EPHX2: variants seen among roughly 807,000 people sequenced by gnomAD.
The protein encoded by EPHX2 is bifunctional epoxide hydrolase 2.
EPHX2 carries 74 observed loss-of-function variants against 78.7 expected under a neutral mutation model. The observed-to-expected ratio is 0.94, with a 90% CI of 0.78 to 1.14. EPHX2 has a LOEUF of 1.14. EPHX2 is among the 50% of genes most tolerant of loss of function. The probability of loss-of-function intolerance (pLI) is 0.00; values close to 1 mark genes in which losing one functional copy is unlikely to be tolerated. For missense variants in EPHX2, 715 were observed against 702.5 expected (o/e 1.02, Z -0.20); for synonymous variants, 251 against 255.2 (o/e 0.98, Z 0.16).
intron 11 of EPHX2, among the ~76,000 whole-genome samples, chr8:27,522,772 C>A (rs1458283679): frequency 6.6e-6 from 1 of 151,862 alleles, no homozygotes; most frequent in African/African-American, 2.4e-5. Context: ...CCAGCCCTGG[C>A]CAACATGGTG....
rs72475874 is a variant in EPHX2 at position 27,521,606 on chromosome 8, C to A, written c.972+697C>A. ...TGCCTGACACGGCAGGGAAGAGACC[C>A]TGAGAATATCATGGTCCCTACCCTC... On this transcript the variant is annotated intron_variant, in intron 10 of 18. Coordinates refer to ENST00000521400, the MANE Select transcript of EPHX2 (RefSeq NM_001979.6). Among the ~76,000 whole-genome samples the A allele has an allele frequency of 1.3e-3, 198 of 152,312 alleles. 4 individuals are homozygous for A. The highest frequency in any genetic ancestry group is 0.012 in the Admixed American group (185 of 15,308).
At chr8:27,500,793 C>A in intron 1 of EPHX2, 133 bp from the exon 2 acceptor site, 1 of 764,568 alleles carries the variant, frequency 1.3e-6, no homozygotes, top group Non-Finnish European at 2.1e-6. Context: ...ATTTGAACTG[C>A]GTTTGCATTT....
rs1302243337 is a variant in EPHX2 at position 27,500,888 on chromosome 8, A to G, written c.102-38A>G. ...TGTTTCCATGTGCTGCCATGACAAA[A>G]TCCACAGAATGTTCCTGATGTTCTT... On this transcript the variant is annotated intron_variant, in intron 1 of 18. Transcript: ENST00000521400. 5.1e-6 allele frequency: 8 copies of G among 1,580,044 alleles called. No homozygotes were observed. In the South Asian group the frequency reaches 7.8e-5, roughly 15 times the overall value.
intron 3 of EPHX2, among the ~76,000 whole-genome samples, chr8:27,504,044 A>T (rs1311094614): frequency 6.6e-6 from 1 of 152,202 alleles, no homozygotes; most frequent in Non-Finnish European, 1.5e-5. Context: ...TAATGACCCA[A>T]ATGACATGAT....
At chr8:27,524,371 C>T (rs898589116) in intron 11 of EPHX2, among the ~76,000 whole-genome samples, 5 of 152,108 alleles carry the variant, frequency 3.3e-5, no homozygotes, top group Non-Finnish European at 4.4e-5. Context: ...TTCCTGACCT[C>T]TCTCTCTGTG....
chr8:27,503,792 G>A, intron 3 of EPHX2, 29 bp downstream of exon 3: 1 of 1,599,804 alleles, frequency 6.3e-7, no homozygotes, highest in East Asian at 2.2e-5. Flanking sequence ...CCAATCTCAG[G>A]CCGAACCACC....
Position 27,506,987 on chromosome 8 carries a change from G to T in EPHX2, c.653G>T (p.Gly218Val), listed in dbSNP as rs1563344141. Reference protein sequence around the residue: ...TALKELEKVTGIQLLNTPAPL... With the variant: ...TALKELEKVTVIQLLNTPAPL... ...CTGAAAGAACTGGAGAAAGTGACCGGAATCCAGGTAACTTGACTTCTGAGC... is the reference window on the plus strand; with the variant it reads ...CTGAAAGAACTGGAGAAAGTGACCGTAATCCAGGTAACTTGACTTCTGAGC... The change falls in exon 5 of 19, where the codon GGA (glycine) becomes GTA (valine). Residue 218 changes from glycine to valine, a missense_variant. By Grantham distance (109) the Gly-to-Val change is moderately radical (BLOSUM62 -3). Coordinates refer to ENST00000521400, the MANE Select transcript of EPHX2 (RefSeq NM_001979.6). The T allele has an allele frequency of 6.2e-7, 1 of 1,613,812 alleles. No individual in the cohort carries two copies. The highest frequency in any genetic ancestry group is 2.2e-5 in the East Asian group (1 of 44,872).
At chr8:27,525,939 A>G (rs1383323732) in intron 12 of EPHX2, among the ~76,000 whole-genome samples, 1 of 152,162 alleles carries the variant, frequency 6.6e-6, no homozygotes, top group Non-Finnish European at 1.5e-5. Flanking sequence ...GCTGATACAT[A>G]TATTGGGGCA....
chr8:27,525,113 C>CGT (rs1331129821), intron 11 of EPHX2, among the ~76,000 whole-genome samples: 8 of 145,632 alleles, frequency 5.5e-5, no homozygotes, highest in African/African-American at 1.0e-4. Context: ...TGTGTGCGCG[C>CGT]GCGCGCGCGC....
At chr8:27,547,120 C>T (rs1023087452), downstream of EPHX2, among the ~76,000 whole-genome samples, 3 of 152,226 alleles carry the variant, frequency 2.0e-5, no homozygotes, top group African/African-American at 7.2e-5. Flanking sequence ...CCAGGCCCCA[C>T]TTCCAACATC....
chr8:27,509,106 G>A (rs1345931808), intron 5 of EPHX2, among the ~76,000 whole-genome samples: 1 of 152,046 alleles, frequency 6.6e-6, no homozygotes, highest in Non-Finnish European at 1.5e-5. Flanking sequence ...GGGACCTAAT[G>A]TAAGTGGAAT....
intron 1 of EPHX2, among the ~76,000 whole-genome samples, chr8:27,493,738 G>A (rs1332686849): frequency 6.6e-6 from 1 of 152,168 alleles, no homozygotes; most frequent in African/African-American, 2.4e-5. Context: ...CACATAAGAA[G>A]AATATGCCTT....
Position 27,508,946 on chromosome 8 carries a change from C to CTTTTTTTTTTTTT in EPHX2, c.660+1967_660+1979dup, listed in dbSNP as rs34748947. On this transcript the variant is annotated intron_variant, in intron 5 of 18. Transcript: ENST00000521400. ...CTGGCCCCTGGCAACCCCCATCCTG[C>CTTTTTTTTTTTTT]TTTTTTTTTTTTTTTTTTTTTTTTT... is the stretch of plus-strand genomic sequence containing the variant. 2.6e-4 allele frequency among the ~76,000 whole-genome samples: 17 copies of CTTTTTTTTTTTTT among 64,388 alleles called. 2 individuals carry two copies. The highest frequency in any genetic ancestry group is 6.9e-4 in the African/African-American group (9 of 12,980). The allele number at this position is 64,388 out of a possible 152,430, so 42.2% of individuals were successfully genotyped here.
chr8:27,521,987 T>G (rs754522896), intron 10 of EPHX2, among the ~76,000 whole-genome samples: 55 of 152,230 alleles, frequency 3.6e-4, no homozygotes, highest in Admixed American at 1.9e-3. Context: ...AGAGAGAGAT[T>G]AAAGATGCTT....
intron 14 of EPHX2, chr8:27,538,932 G>A (rs1022746342): frequency 4.7e-4 from 263 of 554,792 alleles, no homozygotes; most frequent in Non-Finnish European, 1.3e-4. Flanking sequence ...AGAGCTTGGA[G>A]GAGTCTTAGA....
At chr8:27,525,103 T>TGCGCGCGC (rs1427610372) in intron 11 of EPHX2, among the ~76,000 whole-genome samples, 28 of 131,382 alleles carry the variant, frequency 2.1e-4, no homozygotes, top group African/African-American at 7.1e-4. Flanking sequence ...TGTGTGTGTG[T>TGCGCGCGC]GTGTGCGCGC....
chr8:27,541,410 G>A (rs1208888989), intron 15 of EPHX2, 63 bp from the exon 16 acceptor site: 8 of 1,539,898 alleles, frequency 5.2e-6, no homozygotes, highest in Non-Finnish European at 4.5e-6. Context: ...GGTTTCTGCT[G>A]GTGTCTGTAG....
rs746553840 is a variant in EPHX2, at chr8:27,504,993, C to T, written c.384C>T (p.Asp128=). 4.6e-5 allele frequency: 75 copies of T among 1,614,008 alleles called. No homozygotes were observed. Among genetic ancestry groups the T allele is most frequent in the South Asian group, 4.3e-4 (39 of 91,082 alleles). The change falls in exon 4 of 19, where the codon GAC becomes GAT. Residue 128 remains aspartate, a synonymous_variant. Coordinates refer to ENST00000521400, the MANE Select transcript of EPHX2 (RefSeq NM_001979.6). ...CCATCCTCACCAACACCTGGCTGGA[C>T]GACCGTGCTGAGAGAGATGGCCTGG... ...TTAILTNTWL[D]DRAERDGLAQ...
In EPHX2 at chr8:27,491,169, T is replaced by G; in HGVS notation, c.-40T>G. ...CCCTGGCCTTCGCGCATCTCCCAGG[T>G]TAGCTGCGTGTCCGGGTGCTAGGCT... On this transcript the variant is annotated 5_prime_UTR_variant, in exon 1 of 19. Transcript: ENST00000521400. The G allele has an allele frequency of 1.3e-6, 2 of 1,537,458 alleles. No individual in the cohort carries two copies. Among genetic ancestry groups the G allele is most frequent in the South Asian group, 2.4e-5 (2 of 84,624 alleles).
Sources: gnomAD v4.1 joint callset for allele counts (sites outside exome capture counted in the v4.1 genomes callset) on GRCh38, gnomAD v4.1.1 for gene constraint, MANE v1.5 for transcripts, NCBI Gene and HGNC (gene_info 2026-07-23, HGNC 2026-07-21) for gene names.